The following SHROOM4 variants were observed in gnomAD, a reference collection of about 807,000 sequenced individuals.
SHROOM4 encodes the protein protein Shroom4.
A neutral mutation model predicts 80.3 loss-of-function variants in SHROOM4; 17 were observed. The ratio of observed to expected loss-of-function variants is 0.21; its 90% CI spans 0.14 to 0.32. SHROOM4 has a LOEUF of 0.32. Among genes scored for constraint, SHROOM4 ranks in the 10% least tolerant of loss-of-function variants. SHROOM4 has a pLI of 1.00. For missense variants in SHROOM4, 993 were observed against 1,140.3 expected (o/e 0.87, Z 1.86); for synonymous variants, 400 against 437.5 (o/e 0.91, Z 1.07).
At chrX:50,643,624 G>A (rs914485965) in intron 2 of SHROOM4, 2 of 111,685 alleles carry the variant, frequency 1.8e-5, no homozygotes, top group African/African-American at 6.5e-5. Context: ...AGCTGGATAG[G>A]AGTGAAGACG....
At chrX:50,647,073 G>A (rs1931869300) in intron 2 of SHROOM4, among the ~76,000 whole-genome samples, 1 of 111,896 alleles carries the variant, frequency 8.9e-6, no homozygotes, top group Admixed American at 9.5e-5. Context: ...GGAAAGCTCT[G>A]CACATAGCAG....
chrX:50,627,807 A>C lies in SHROOM4; in HGVS notation c.2896-132T>G. On this transcript the variant is annotated intron_variant, in intron 4 of 8. Transcript: ENST00000376020. ...GCTTGTTTCTTCTACTCTGCTATGCAGGCTGAGAAATTTGTACCTGGAGGG... is the reference window on the plus strand; with the variant it reads ...GCTTGTTTCTTCTACTCTGCTATGCCGGCTGAGAAATTTGTACCTGGAGGG... The C allele has an allele frequency of 7.4e-6, 4 of 539,675 alleles. No homozygotes were observed. In the South Asian group the frequency reaches 1.1e-4, roughly 15 times the overall value. The allele number at this position is 539,675 out of a possible 1,213,427, so 44.5% of individuals were successfully genotyped here.
chrX:50,784,061 T>C (rs1557270848), intron 1 of SHROOM4, among the ~76,000 whole-genome samples: 1 of 112,275 alleles, frequency 8.9e-6, no homozygotes, highest in Non-Finnish European at 1.9e-5. Flanking sequence ...TCGCCAAAAA[T>C]AGATCCATAT....
At chrX:50,760,223 A>T (rs1047738188) in intron 1 of SHROOM4, among the ~76,000 whole-genome samples, 1 of 108,420 alleles carries the variant, frequency 9.2e-6, no homozygotes, top group Non-Finnish European at 1.9e-5. Context: ...TGCTTCATGT[A>T]TTTTTGGGAC....
intron 2 of SHROOM4, among the ~76,000 whole-genome samples, chrX:50,685,353 T>C (rs1557262150): frequency 9.0e-6 from 1 of 111,282 alleles, no homozygotes; most frequent in Non-Finnish European, 1.9e-5. Flanking sequence ...TAAGGGTTAA[T>C]GTACACCTTG....
intron 4 of SHROOM4, among the ~76,000 whole-genome samples, chrX:50,628,993 C>T (rs1479009428): frequency 3.6e-5 from 4 of 111,941 alleles, no homozygotes; most frequent in Non-Finnish European, 7.5e-5. Context: ...CCTGCAAAGA[C>T]ACCATTACTT....
chrX:50,694,222 C>T (rs781858366), intron 2 of SHROOM4, among the ~76,000 whole-genome samples: 5 of 110,654 alleles, frequency 4.5e-5, no homozygotes, highest in Non-Finnish European at 9.5e-5. Flanking sequence ...GAATATGTAC[C>T]CAGCAGGGGA....
chrX:50,584,793 G>T (rs782606272), downstream of SHROOM4, among the ~76,000 whole-genome samples: 1 of 110,965 alleles, frequency 9.0e-6, no homozygotes, highest in African/African-American at 3.3e-5. Context: ...AATCAGGTTC[G>T]GGAGGGGAAA....
chrX:50,773,121 G>A (rs1375161540), intron 1 of SHROOM4, among the ~76,000 whole-genome samples: 1 of 112,340 alleles, frequency 8.9e-6, no homozygotes, highest in African/African-American at 3.2e-5. Flanking sequence ...TGTGTTAGGT[G>A]CTGTCACATA....
intron 1 of SHROOM4, among the ~76,000 whole-genome samples, chrX:50,776,424 A>G (rs1266648355): frequency 9.0e-6 from 1 of 111,533 alleles, no homozygotes; most frequent in Admixed American, 9.5e-5. Flanking sequence ...GGCTTAGATC[A>G]TCTATTCACA....
chrX:50,598,166 G>A (rs781931040), intron 8 of SHROOM4, 100 bp downstream of exon 8: 1 of 1,080,069 alleles, frequency 9.3e-7, no homozygotes, highest in Non-Finnish European at 1.3e-6. Context: ...TTAATCCCAT[G>A]CTCTACTGTT....
chrX:50,797,815 A>G (rs1557272241), intron 1 of SHROOM4, among the ~76,000 whole-genome samples: 1 of 111,274 alleles, frequency 9.0e-6, no homozygotes, highest in Non-Finnish European at 1.9e-5. Context: ...GAGCATATAC[A>G]ACATGCCTAC....
intron 2 of SHROOM4, among the ~76,000 whole-genome samples, chrX:50,675,710 T>C (rs1375086992): frequency 9.0e-6 from 1 of 111,071 alleles, no homozygotes; most frequent in Non-Finnish European, 1.9e-5. Flanking sequence ...AGTAGTAAAT[T>C]ATGTTACATA....
At chrX:50,630,883 G>C (rs1415884447) in intron 4 of SHROOM4, among the ~76,000 whole-genome samples, 1 of 111,828 alleles carries the variant, frequency 8.9e-6, no homozygotes, top group East Asian at 2.8e-4. Context: ...ATCTATTAAA[G>C]AAATTGAATT....
intron 1 of SHROOM4, among the ~76,000 whole-genome samples, chrX:50,770,740 C>T (rs782799033): frequency 8.9e-6 from 1 of 111,901 alleles, no homozygotes; most frequent in East Asian, 2.8e-4. Context: ...AAGTACCAGG[C>T]GTCTGCTCCT....
At chrX:50,768,589 G>A (rs1334942927) in intron 1 of SHROOM4, among the ~76,000 whole-genome samples, 2 of 112,026 alleles carry the variant, frequency 1.8e-5, no homozygotes, top group Non-Finnish European at 3.8e-5. Context: ...TGGTCATTCT[G>A]TAAATTGCTT....
At chrX:50,702,438 T>C (rs1933541985) in intron 1 of SHROOM4, among the ~76,000 whole-genome samples, 1 of 111,559 alleles carries the variant, frequency 9.0e-6, no homozygotes, top group Non-Finnish European at 1.9e-5. Context: ...CAAATGTCCT[T>C]CAAAACATAC....
intron 6 of SHROOM4, among the ~76,000 whole-genome samples, chrX:50,603,195 G>A (rs1929512643): frequency 9.0e-6 from 1 of 111,278 alleles, no homozygotes; most frequent in Admixed American, 9.5e-5. Flanking sequence ...AAGTATCTGA[G>A]ACCTTATCTA....
chrX:50,605,112 G>A (rs1176429363), intron 6 of SHROOM4, among the ~76,000 whole-genome samples: 1 of 111,651 alleles, frequency 9.0e-6, no homozygotes, highest in Non-Finnish European at 1.9e-5. Flanking sequence ...CTCTCCTAGG[G>A]TCTGGAATAG....
Sources: allele counts gnomAD v4.1 joint callset (sites outside exome capture counted in the v4.1 genomes callset), GRCh38; gene constraint gnomAD v4.1.1; transcripts MANE v1.5; gene names NCBI Gene and HGNC (gene_info 2026-07-23, HGNC 2026-07-21).